GSE1: variants seen among roughly 807,000 people sequenced by gnomAD.
The protein encoded by GSE1 is Gse1 coiled-coil protein.
In GSE1, 32 loss-of-function variants were observed where a neutral mutation model predicts 112.6. The ratio of observed to expected loss-of-function variants is 0.28; its 90% CI spans 0.21 to 0.38. The LOEUF (loss-of-function observed/expected upper bound fraction) is 0.38, where lower values mean the gene tolerates loss of function less well. GSE1 is among the 10% of genes least tolerant of loss of function. The probability of loss-of-function intolerance (pLI) is 1.00; values close to 1 mark genes in which losing one functional copy is unlikely to be tolerated. For synonymous variants in GSE1, 1,115 were observed against 735.6 expected (o/e 1.52, Z -8.35); for missense variants, 2,348 against 1,699.2 (o/e 1.38, Z -6.71).
chr16:85,357,431 A>C (rs780039389), intron 1 of GSE1: 118 of 1,174,926 alleles, frequency 1.0e-4, no homozygotes, highest in Non-Finnish European at 1.3e-4. Flanking sequence ...GGCATGGCCC[A>C]GGCTCACTGT....
chr16:85,205,023 C>G lies in GSE1; in HGVS notation c.2283+33216C>G, dbSNP rs148088817. On this transcript the variant is annotated intron_variant, in intron 1 of 2. Coordinates refer to the GSE1 transcript ENST00000637419. ...GTAACTTGCCCAAATCCTAAAAGCT[C>G]TCATTTGCTGGGCATGTACACGTAC... Among the ~76,000 whole-genome samples the G allele has an allele frequency of 6.0e-4, 92 of 152,374 alleles. 3 individuals carry two copies. The East Asian group carries it at 0.015, about 25-fold the overall frequency.
chr16:85,623,887 T>C (rs543358364), intron 1 of GSE1, among the ~76,000 whole-genome samples: 1 of 152,314 alleles, frequency 6.6e-6, no homozygotes, highest in East Asian at 1.9e-4. Context: ...CCAGCTCCTG[T>C]ACGGCCTGGT....
chr16:85,289,812 A>G (rs1001185883), intron 1 of GSE1, among the ~76,000 whole-genome samples: 1 of 152,154 alleles, frequency 6.6e-6, no homozygotes, highest in African/African-American at 2.4e-5. Flanking sequence ...CCTCTGGCTC[A>G]CAGGCTGGGG....
chr16:85,270,614 A>T (rs1449447221), intron 1 of GSE1, among the ~76,000 whole-genome samples: 1 of 148,744 alleles, frequency 6.7e-6, no homozygotes, highest in Admixed American at 6.7e-5. Flanking sequence ...TGTTGGATTG[A>T]TGTTGCCCTG....
At chr16:85,363,515 T>A (rs948606522) in intron 2 of GSE1, among the ~76,000 whole-genome samples, 5 of 152,218 alleles carry the variant, frequency 3.3e-5, no homozygotes, top group African/African-American at 1.2e-4. Context: ...TGTCTCCACC[T>A]CCTCCTGGCT....
In GSE1 at chr16:85,332,873, G is replaced by C. The variant is rs987270044; in HGVS notation, c.2284-24590G>C. 3.4e-4 allele frequency among the ~76,000 whole-genome samples: 51 copies of C among 152,048 alleles called. 1 individual carries two copies. The highest frequency in any genetic ancestry group is 1.2e-3 in the African/African-American group (50 of 41,396). ...GGCCAGGCCGTGTGCTGGCCACCCA[G>C]GGAGGATGCTGTCCCACCTCAGAAC... On this transcript the variant is annotated intron_variant, in intron 1 of 2. Transcript: ENST00000637419.
chr16:85,657,428 C>A lies in GSE1; in HGVS notation c.1464C>A (p.Ile488=), dbSNP rs769055884. 2 of 1,612,692 alleles carry A rather than the reference C, an allele frequency of 1.2e-6. No homozygotes were observed. The highest frequency in any genetic ancestry group is 1.7e-6 in the Non-Finnish European group (2 of 1,179,844). The change falls in exon 8 of 16, where the codon ATC becomes ATA. Residue 488 remains isoleucine (I), a synonymous_variant. Coordinates refer to ENST00000253458, the MANE Select transcript of GSE1 (RefSeq NM_014615.5). ...PSSSAATALL[I]QRTNEEEKWL... ...GCAGTGCTGCCACAGCCCTGCTGAT[C>A]CAGCGCACCAATGAGGAGGAGAAGT...
At position 85,419,381 on chromosome 16, in the gene GSE1, G is replaced by A. The variant is rs1341431751; in HGVS notation, c.2464+61738G>A. 1.3e-5 allele frequency among the ~76,000 whole-genome samples: 2 copies of A among 152,148 alleles called. No individual in the cohort carries two copies. The highest frequency in any genetic ancestry group is 6.5e-5 in the Admixed American group (1 of 15,276). ...TAATCCCAGCACTTTGGGAGGCTGA[G>A]ATGGGAGGACTGCTTGAGCCCAGGA... On this transcript the variant is annotated intron_variant, in intron 2 of 2. Transcript: ENST00000637419. This position sits in a 1 kb window ranked among gnomAD's most constrained non-coding sequence, Gnocchi z 6.5.
At chr16:85,560,779 C>A (rs185466175) in intron 1 of GSE1, among the ~76,000 whole-genome samples, 1 of 152,198 alleles carries the variant, frequency 6.6e-6, no homozygotes, top group African/African-American at 2.4e-5. Context: ...GACTGGGTGT[C>A]TCCTTTTTAC....
intron 2 of GSE1, among the ~76,000 whole-genome samples, chr16:85,640,123 T>G (rs1005802897): frequency 1.3e-5 from 2 of 152,142 alleles, no homozygotes; most frequent in African/African-American, 4.8e-5. Context: ...AAGCCCCACC[T>G]CACCCCAGCA....
chr16:85,331,555 G>C (rs1012819836), intron 1 of GSE1, among the ~76,000 whole-genome samples: 1 of 87,040 alleles, frequency 1.1e-5, no homozygotes, highest in East Asian at 3.9e-4. Flanking sequence ...GTGTATATAT[G>C]TGTATATGTG....
intron 2 of GSE1, among the ~76,000 whole-genome samples, chr16:85,370,801 ACT>A (rs1461183546): frequency 6.6e-6 from 1 of 151,918 alleles, no homozygotes; most frequent in Non-Finnish European, 1.5e-5. Context: ...GCGGGATATC[ACT>A]CTGTGTGACC....
chr16:85,565,013 G>A (rs2045679204), intron 1 of GSE1, among the ~76,000 whole-genome samples: 1 of 152,106 alleles, frequency 6.6e-6, no homozygotes, highest in Non-Finnish European at 1.5e-5. Flanking sequence ...TCGGAGCCAC[G>A]TCTTAAGAGG....
intron 1 of GSE1, among the ~76,000 whole-genome samples, chr16:85,274,607 C>G (rs1909172938): frequency 6.6e-6 from 1 of 152,162 alleles, no homozygotes; most frequent in African/African-American, 2.4e-5. Context: ...GGCAGGGGAC[C>G]TGGCGGTTGT....
At chr16:85,569,726 C>A (rs1035165879) in intron 1 of GSE1, among the ~76,000 whole-genome samples, 1 of 152,170 alleles carries the variant, frequency 6.6e-6, no homozygotes, top group Non-Finnish European at 1.5e-5. Flanking sequence ...GTGTGTTTTC[C>A]CTGCTTCTCA....
At chr16:85,197,039 G>A (rs909061711) in intron 1 of GSE1, among the ~76,000 whole-genome samples, 3 of 152,236 alleles carry the variant, frequency 2.0e-5, no homozygotes, top group African/African-American at 7.2e-5. Flanking sequence ...TAACTTCTGC[G>A]TTTCCTGTGG....
At chr16:85,354,894 A>G (rs2046920327) in intron 1 of GSE1, among the ~76,000 whole-genome samples, 1 of 152,204 alleles carries the variant, frequency 6.6e-6, no homozygotes, top group Admixed American at 6.5e-5. Context: ...CCAGGGTGGG[A>G]ACCACCTTGG....
At chr16:85,525,250 T>TC (rs149862213) in intron 2 of GSE1, among the ~76,000 whole-genome samples, 43,386 of 150,160 alleles carry the variant, frequency 0.29, 6,221 homozygotes, top group South Asian at 0.38. Flanking sequence ...GGCTCACTTG[T>TC]CCCCCCCCCA....
intron 2 of GSE1, among the ~76,000 whole-genome samples, chr16:85,519,650 CCTT>C (rs1296679831): frequency 6.7e-6 from 1 of 149,588 alleles, no homozygotes; most frequent in African/African-American, 2.5e-5. Flanking sequence ...ATCATCATCA[CCTT>C]CACCACCATC....
Sources: gnomAD v4.1 joint callset for allele counts (sites outside exome capture counted in the v4.1 genomes callset) on GRCh38, gnomAD v4.1.1 for gene constraint, Gnocchi (gnomAD v3.1) non-coding constraint, MANE v1.5 for transcripts, NCBI Gene and HGNC (gene_info 2026-07-23, HGNC 2026-07-21) for gene names.